The following MAP3K20 variants were observed in gnomAD, a reference collection of about 807,000 sequenced individuals.
The protein encoded by MAP3K20 is HCCS-4.
In MAP3K20, 40 loss-of-function variants were observed where a neutral mutation model predicts 85.7. The observed-to-expected ratio is 0.47, with a 90% CI of 0.36 to 0.61. MAP3K20 has a LOEUF of 0.61. Ranked by LOEUF, MAP3K20 falls within the 20% of genes least tolerant of loss-of-function variation. The probability of loss-of-function intolerance (pLI) is 0.00; values close to 1 mark genes in which losing one functional copy is unlikely to be tolerated. For synonymous variants in MAP3K20, 325 were observed against 327.7 expected (o/e 0.99, Z 0.09); for missense variants, 817 against 961.7 (o/e 0.85, Z 1.99).
rs369665202 is a variant in MAP3K20 at position 173,121,122 on chromosome 2, T to A, written c.159+29932T>A. Among the ~76,000 whole-genome samples the A allele has an allele frequency of 1.2e-4, 19 of 152,314 alleles. No homozygotes were observed. In the South Asian group the frequency reaches 3.7e-3, roughly 30 times the overall value. On this transcript the variant is annotated intron_variant, in intron 2 of 19. Transcript: ENST00000375213. ...ACTTCATCCTGTAAATCAGAAATGC[T>A]TTCAGGGTGTTGTCTCTCATTTGAT...
intron 3 of MAP3K20, among the ~76,000 whole-genome samples, chr2:173,173,859 G>C (rs3769177): frequency 0.23 from 34,278 of 152,000 alleles, 4,055 homozygotes; most frequent in African/African-American, 0.26. Context: ...TATTATCACC[G>C]TAAAACTCAA....
chr2:173,223,268 C>T (rs1190522850), intron 11 of MAP3K20: 1 of 981,724 alleles, frequency 1.0e-6, no homozygotes, highest in Non-Finnish European at 1.2e-6. Context: ...GAATCCTGGG[C>T]TCAGTTGCTT....
intron 2 of MAP3K20, among the ~76,000 whole-genome samples, chr2:173,129,068 T>C (rs1420401272): frequency 2.6e-5 from 4 of 151,794 alleles, no homozygotes; most frequent in Non-Finnish European, 5.9e-5. Flanking sequence ...AGATTACAGG[T>C]GCCCGCCACC....
intron 7 of MAP3K20, 90 bp from the exon 8 acceptor site, chr2:173,197,936 G>C: frequency 8.8e-7 from 1 of 1,139,748 alleles, no homozygotes; most frequent in Non-Finnish European, 1.2e-6. Flanking sequence ...CTGGTAATTA[G>C]ATACAATTAC....
intron 8 of MAP3K20, among the ~76,000 whole-genome samples, chr2:173,200,932 A>C (rs1691037105): frequency 1.3e-5 from 2 of 152,316 alleles, no homozygotes; most frequent in South Asian, 4.1e-4. Context: ...GTGCCCGGCC[A>C]AAAAAGTTTT....
intron 2 of MAP3K20, among the ~76,000 whole-genome samples, chr2:173,163,709 C>T (rs572984443): frequency 3.9e-5 from 6 of 152,178 alleles, no homozygotes; most frequent in South Asian, 2.1e-4. Context: ...AGTGCTGGGA[C>T]GAACATGTGT....
At chr2:173,230,461 A>C (rs1479855320) in intron 12 of MAP3K20, among the ~76,000 whole-genome samples, 1 of 152,164 alleles carries the variant, frequency 6.6e-6, no homozygotes, top group African/African-American at 2.4e-5. Context: ...GTGAGGCATC[A>C]TATTTGCCAG....
chr2:173,260,261 G>T (rs191752935), intron 17 of MAP3K20, among the ~76,000 whole-genome samples: 1 of 152,230 alleles, frequency 6.6e-6, no homozygotes, highest in African/African-American at 2.4e-5. Context: ...CCAGCTACTT[G>T]AGAGGCTCAG....
chr2:173,099,262 C>CT (rs759567588), intron 2 of MAP3K20, among the ~76,000 whole-genome samples: 4,002 of 142,468 alleles, frequency 0.028, 169 homozygotes, highest in African/African-American at 0.096. Flanking sequence ...ACTTTCCGGC[C>CT]TTTTTTTTTT....
chr2:173,231,536 T>G (rs1268117553), intron 12 of MAP3K20, among the ~76,000 whole-genome samples: 2 of 152,248 alleles, frequency 1.3e-5, no homozygotes, highest in African/African-American at 4.8e-5. Context: ...GTCTTTGCTC[T>G]GAGGCTGAGT....
chr2:173,247,292 C>T (rs141452763), intron 16 of MAP3K20, among the ~76,000 whole-genome samples: 2 of 152,158 alleles, frequency 1.3e-5, no homozygotes, highest in Admixed American at 6.5e-5. Context: ...AATCTCCAGG[C>T]CCTTTCTCAG....
intron 2 of MAP3K20, among the ~76,000 whole-genome samples, chr2:173,148,523 T>C (rs1689202443): frequency 6.6e-6 from 1 of 152,156 alleles, no homozygotes; most frequent in Non-Finnish European, 1.5e-5. Flanking sequence ...CTTTATAGAA[T>C]TGGCCCTTGA....
chr2:173,258,110 T>C (rs1685200715), intron 16 of MAP3K20, among the ~76,000 whole-genome samples: 1 of 152,196 alleles, frequency 6.6e-6, no homozygotes, highest in African/African-American at 2.4e-5. Context: ...AGGGGAACTG[T>C]TCTTTGGTTT....
intron 5 of MAP3K20, among the ~76,000 whole-genome samples, chr2:173,189,790 C>A (rs957269610): frequency 6.6e-6 from 1 of 152,160 alleles, no homozygotes; most frequent in Non-Finnish European, 1.5e-5. Flanking sequence ...CTTGAGTTCG[C>A]TTCCTTCTCC....
At chr2:173,213,347 CTG>C (rs1290827842) in intron 10 of MAP3K20, among the ~76,000 whole-genome samples, 1 of 152,198 alleles carries the variant, frequency 6.6e-6, no homozygotes, top group African/African-American at 2.4e-5. Flanking sequence ...CTTTCAGGAA[CTG>C]TTAATCCTGT....
Position 173,194,307 on chromosome 2 carries a change from A to G in MAP3K20, c.582+3130A>G, listed in dbSNP as rs191199776. On this transcript the variant is annotated intron_variant, in intron 7 of 19. Transcript: ENST00000375213. ...TTTAAAAGTAATGGCAAAAACTGCA[A>G]TTACTTTTGCACCAACCTAATATTT... 2.2e-3 allele frequency among the ~76,000 whole-genome samples: 339 copies of G among 152,276 alleles called. 4 individuals are homozygous for G. Among genetic ancestry groups the G allele is most frequent in the South Asian group, 0.018 (88 of 4,816 alleles).
chr2:173,077,934 T>C (rs1047332490), intron 1 of MAP3K20, among the ~76,000 whole-genome samples: 4 of 152,252 alleles, frequency 2.6e-5, no homozygotes, highest in Non-Finnish European at 2.9e-5. Context: ...AGAGTGAGTG[T>C]TATTGGCAAT....
At position 173,091,262 on chromosome 2, in the gene MAP3K20, G is replaced by A. The variant is rs1687290435; in HGVS notation, c.159+72G>A. 13 of 1,515,444 alleles carry A rather than the reference G, an allele frequency of 8.6e-6. No individual in the cohort carries two copies. The South Asian group carries it at 1.2e-4, about 15-fold the overall frequency. 93.9% of individuals were successfully genotyped at this position (1,515,444 alleles called of 1,614,324 possible). ...TAAGCTTTTTCAACCTCGAGTTAGA[G>A]GGTCACAGGGCTGCAAGAGACCTAG... On this transcript the variant is annotated intron_variant, in intron 2 of 19. Transcript: ENST00000375213.
intron 2 of MAP3K20, among the ~76,000 whole-genome samples, chr2:173,131,417 C>T (rs571674081): frequency 2.6e-5 from 4 of 152,054 alleles, no homozygotes; most frequent in South Asian, 2.1e-4. Flanking sequence ...AGGAATTCAA[C>T]GATTTCATTT....
Sources: allele counts gnomAD v4.1 joint callset (sites outside exome capture counted in the v4.1 genomes callset), GRCh38; gene constraint gnomAD v4.1.1; transcripts MANE v1.5; gene names NCBI Gene and HGNC (gene_info 2026-07-23, HGNC 2026-07-21).